Variants in ACOXL observed in about 807,000 individuals in gnomAD.
ACOXL encodes acyl-CoA oxidase like.
In ACOXL, 70 loss-of-function variants were observed where a neutral mutation model predicts 71.9. The ratio of observed to expected loss-of-function variants is 0.97; its 90% CI spans 0.80 to 1.19. The LOEUF is 1.19. Among genes scored for constraint, ACOXL ranks in the 50% most tolerant of loss-of-function variants. The probability of loss-of-function intolerance (pLI) is 0.00; values close to 1 mark genes in which losing one functional copy is unlikely to be tolerated. For synonymous variants in ACOXL, 253 were observed against 281.6 expected, an observed-to-expected ratio of 0.90 and a Z score of 1.02; for missense variants, 703 against 736.3, an observed-to-expected ratio of 0.95 and a Z score of 0.52.
intron 16 of ACOXL, among the ~76,000 whole-genome samples, chr2:111,078,595 A>G (rs144579186): frequency 6.6e-6 from 1 of 152,126 alleles, no homozygotes; most frequent in African/African-American, 2.4e-5. Flanking sequence ...GAAATTTACT[A>G]TTCTACCATT....
At chr2:111,035,257 C>A (rs2065458152) in intron 15 of ACOXL, among the ~76,000 whole-genome samples, 1 of 152,224 alleles carries the variant, frequency 6.6e-6, no homozygotes, top group East Asian at 1.9e-4. Context: ...CTTCTGGCAT[C>A]TGTCTCCGTT....
chr2:110,889,970 T>G (rs1274946700), intron 10 of ACOXL, among the ~76,000 whole-genome samples: 2 of 152,206 alleles, frequency 1.3e-5, no homozygotes, highest in African/African-American at 4.8e-5. Context: ...TAGCCATACT[T>G]GCTATTATCT....
intron 12 of ACOXL, among the ~76,000 whole-genome samples, chr2:110,942,783 T>C (rs2060913193): frequency 6.7e-6 from 1 of 150,328 alleles, no homozygotes; most frequent in Admixed American, 6.6e-5. Flanking sequence ...CTTGGGAGGC[T>C]GAGGCATAAG....
intron 10 of ACOXL, among the ~76,000 whole-genome samples, chr2:110,856,668 A>G (rs983376955): frequency 6.6e-6 from 1 of 152,248 alleles, no homozygotes; most frequent in Non-Finnish European, 1.5e-5. Context: ...CACAGGGGTG[A>G]TAAGCACTTA....
intron 7 of ACOXL, among the ~76,000 whole-genome samples, chr2:110,800,335 C>T (rs1685818680): frequency 6.6e-6 from 1 of 152,182 alleles, no homozygotes; most frequent in Non-Finnish European, 1.5e-5. Flanking sequence ...TCATGTTAAC[C>T]TGGTGTTCTC....
chr2:110,897,330 C>G (rs1379656496), intron 10 of ACOXL, among the ~76,000 whole-genome samples: 1 of 152,116 alleles, frequency 6.6e-6, no homozygotes, highest in Non-Finnish European at 1.5e-5. Context: ...AAAGAATGGT[C>G]TTTTTAGTCC....
rs537793801 is a variant in ACOXL at position 110,768,713 on chromosome 2, C to T, written c.75+249C>T. 1.1e-4 allele frequency among the ~76,000 whole-genome samples: 16 copies of T among 152,262 alleles called. No individual in the cohort carries two copies. The East Asian group carries it at 2.7e-3, about 26-fold the overall frequency. On this transcript the variant is annotated intron_variant, in intron 2 of 17. Coordinates refer to ENST00000439055, the MANE Select transcript of ACOXL (RefSeq NM_001142807.4). ...CCTCACCCTTCTCCCACCCTCCTCT[C>T]TCAAGTAGGCCGCCGCGCCTATTGA...
chr2:110,878,886 C>T (rs569027414), intron 10 of ACOXL, among the ~76,000 whole-genome samples: 3 of 151,776 alleles, frequency 2.0e-5, no homozygotes, highest in South Asian at 4.2e-4. Context: ...GGTTAAACCC[C>T]GTCTCTACTA....
At chr2:110,822,572 C>A (rs938154147) in intron 9 of ACOXL, among the ~76,000 whole-genome samples, 1 of 152,214 alleles carries the variant, frequency 6.6e-6, no homozygotes, top group African/African-American at 2.4e-5. Flanking sequence ...ATTTCTTACT[C>A]CCTTCAGTGA....
intron 1 of ACOXL, 142 bp from the exon 2 acceptor site, chr2:110,768,226 G>C (rs564175456): frequency 3.3e-6 from 2 of 614,970 alleles, no homozygotes; most frequent in African/African-American, 3.7e-5. Flanking sequence ...CACCCAGTCT[G>C]TGTGACACAC....
chr2:110,840,094 G>C (rs756263148), intron 9 of ACOXL, among the ~76,000 whole-genome samples: 1 of 151,970 alleles, frequency 6.6e-6, no homozygotes, highest in South Asian at 2.1e-4. Context: ...AGGTTCAATC[G>C]ATTCTCCTGC....
chr2:111,068,077 C>A (rs1331758995), intron 16 of ACOXL, among the ~76,000 whole-genome samples: 1 of 152,170 alleles, frequency 6.6e-6, no homozygotes, highest in Non-Finnish European at 1.5e-5. Flanking sequence ...TCTTGGCTCC[C>A]CACCCACCCC....
chr2:110,940,141 G>A (rs1473686968), intron 12 of ACOXL, among the ~76,000 whole-genome samples: 1 of 152,220 alleles, frequency 6.6e-6, no homozygotes, highest in African/African-American at 2.4e-5. Flanking sequence ...CTATTGTGAG[G>A]TGCTCTCATA....
At chr2:111,036,332 G>A (rs921894438) in intron 15 of ACOXL, among the ~76,000 whole-genome samples, 4 of 152,160 alleles carry the variant, frequency 2.6e-5, no homozygotes, top group Non-Finnish European at 5.9e-5. Flanking sequence ...CTGAGGGAGG[G>A]AGGAAGGGAG....
At position 111,068,051 on chromosome 2, in the gene ACOXL, C is replaced by G. The variant is rs574362117; in HGVS notation, c.1440+18763C>G. Among the ~76,000 whole-genome samples the G allele has an allele frequency of 3.3e-5, 5 of 152,246 alleles. No individual in the cohort carries two copies. The East Asian group carries it at 9.7e-4, about 29-fold the overall frequency. ...AGGGCCTGACACCTAAAAAATACCC[C>G]ACAAATGGAAGCTGCTCTTGGCTCC... On this transcript the variant is annotated intron_variant, in intron 16 of 17. Coordinates refer to ENST00000439055, the MANE Select transcript of ACOXL (RefSeq NM_001142807.4).
At chr2:111,038,637 A>T (rs2065636718) in intron 15 of ACOXL, among the ~76,000 whole-genome samples, 8 of 152,244 alleles carry the variant, frequency 5.3e-5, no homozygotes, top group Admixed American at 5.2e-4. Flanking sequence ...TTCCACTGGG[A>T]ACAGGATGGA....
At chr2:110,836,614 C>T (rs1022416163) in intron 9 of ACOXL, among the ~76,000 whole-genome samples, 1 of 152,202 alleles carries the variant, frequency 6.6e-6, no homozygotes, top group East Asian at 1.9e-4. Flanking sequence ...CTTCCCTTCA[C>T]GTTTCTTTTT....
intron 14 of ACOXL, among the ~76,000 whole-genome samples, chr2:111,012,756 G>A (rs1053953990): frequency 1.3e-5 from 2 of 152,148 alleles, no homozygotes; most frequent in African/African-American, 4.8e-5. Flanking sequence ...AAACTGAATG[G>A]TAATGAAAAC....
chr2:111,077,165 AC>A (rs2067646514), intron 16 of ACOXL, among the ~76,000 whole-genome samples: 1 of 152,216 alleles, frequency 6.6e-6, no homozygotes, highest in Non-Finnish European at 1.5e-5. Context: ...CTTTTGAATT[AC>A]TTGAACATTC....
Sources: allele counts gnomAD v4.1 joint callset (sites outside exome capture counted in the v4.1 genomes callset), GRCh38; gene constraint gnomAD v4.1.1; transcripts MANE v1.5; gene names NCBI Gene and HGNC (gene_info 2026-07-23, HGNC 2026-07-21).